The following EMB variants were observed in gnomAD, a reference collection of about 807,000 sequenced individuals.
EMB encodes embigin.
A neutral mutation model predicts 41.4 loss-of-function variants in EMB; 31 were observed. The ratio of observed to expected loss-of-function variants is 0.75; its 90% CI spans 0.56 to 1.01. The LOEUF is 1.01. Ranked by LOEUF, EMB falls within the 50% of genes least tolerant of loss-of-function variation. The pLI is 0.00. For synonymous variants in EMB, 137 were observed against 140.4 expected (o/e 0.98, Z 0.17); for missense variants, 379 against 388.3 (o/e 0.98, Z 0.20).
At chr5:50,414,528 CAAAAAAAAAAA>C (rs34645448) in intron 2 of EMB, among the ~76,000 whole-genome samples, 25 of 46,708 alleles carry the variant, frequency 5.4e-4, no homozygotes, top group Admixed American at 2.8e-3. Flanking sequence ...CTGTCTCAGG[CAAAAAAAAAAA>C]AAAAAAAAAA....
chr5:50,403,385 T>C lies in EMB; in HGVS notation c.670A>G (p.Ile224Val), dbSNP rs1745198356. ...CCATCTTCCTCCAAAAGTTGTGTTA[T>C]CTTCAGCTTTGTTTCGTTAGCATAT... is the stretch of plus-strand genomic sequence containing the variant. Reference protein sequence around the residue: ...GTYANETKLKITQLLEEDGES... With the variant: ...GTYANETKLKVTQLLEEDGES... The change falls in exon 6 of 9, where the codon ATA becomes GTA. Residue 224 changes from isoleucine (I) to valine (V), a missense_variant. Ile to Val is a conservative substitution (Grantham distance 29). Transcript: ENST00000303221. 1 of 1,612,704 alleles carries C rather than the reference T, an allele frequency of 6.2e-7. No individual in the cohort carries two copies. Among genetic ancestry groups the C allele is most frequent in the Non-Finnish European group, 8.5e-7 (1 of 1,179,144 alleles).
intron 2 of EMB, among the ~76,000 whole-genome samples, chr5:50,414,556 A>AAAT (rs58142897): frequency 7.1e-6 from 1 of 140,556 alleles, no homozygotes; most frequent in Non-Finnish European, 1.5e-5. Context: ...AAAAAAAAAA[A>AAAT]TTCTATCACT....
In EMB at chr5:50,403,333, A is replaced by G. The variant is rs781125755; in HGVS notation, c.722T>C (p.Phe241Ser). ...DGESYWCRAL[F>S]QLGESEEHIE... ...GTGTTCTTCACTCTCGCCTAATTGG[A>G]ATAGTGCACGGCACCAGTAAGATTC... is the stretch of plus-strand genomic sequence containing the variant. Residue 241 changes from phenylalanine (F) to serine (S), a missense_variant, in exon 6 of 9, where the codon TTC becomes TCC. By Grantham distance (155) the Phe-to-Ser change is radical. Transcript: ENST00000303221. 1.2e-6 allele frequency: 2 copies of G among 1,612,808 alleles called. No homozygotes were observed. Among genetic ancestry groups the G allele is most frequent in the South Asian group, 2.2e-5 (2 of 91,050 alleles).
chr5:50,441,624 C>G (rs2111887350), upstream of EMB, among the ~76,000 whole-genome samples: 1 of 152,300 alleles, frequency 6.6e-6, no homozygotes, highest in South Asian at 2.1e-4. Flanking sequence ...CCCCGGACAT[C>G]TTTGGGCTTT....
intron 5 of EMB, among the ~76,000 whole-genome samples, chr5:50,404,312 T>C (rs1745214651): frequency 6.6e-6 from 1 of 151,976 alleles, no homozygotes; most frequent in African/African-American, 2.4e-5. Flanking sequence ...CCTGGCACCA[T>C]GTGCACAACA....
chr5:50,440,865 G>C (rs1214947428), intron 1 of EMB, among the ~76,000 whole-genome samples, 175 bp downstream of exon 1: 1 of 152,064 alleles, frequency 6.6e-6, no homozygotes, highest in Non-Finnish European at 1.5e-5. Flanking sequence ...CAGCTTAGGT[G>C]ACACAAACGT....
intron 5 of EMB, among the ~76,000 whole-genome samples, chr5:50,404,814 A>G (rs1745222622): frequency 6.6e-6 from 1 of 151,934 alleles, no homozygotes; most frequent in Non-Finnish European, 1.5e-5. Context: ...GGTTGGAACT[A>G]TTTCATTGAA....
rs148466474 is a variant in EMB, at chr5:50,399,934, A to G, written c.912-21T>C. On this transcript the variant is annotated intron_variant, in intron 7 of 8. Coordinates refer to ENST00000303221, the MANE Select transcript of EMB (RefSeq NM_198449.3). ...ATTTCCTGCACAGAAAACAAAAAAG[A>G]AAATTACTAAATGCTTATATTATAT... 1,424 of 1,560,760 alleles carry G rather than the reference A, an allele frequency of 9.1e-4. 11 individuals carry two copies. The African/African-American group carries it at 0.018, about 19-fold the overall frequency.
At chr5:50,419,393 A>G (rs1227974415) in intron 2 of EMB, among the ~76,000 whole-genome samples, 10 of 152,226 alleles carry the variant, frequency 6.6e-5, no homozygotes, top group Non-Finnish European at 5.9e-5. Context: ...ACAGCAAATG[A>G]CAATGTCATA....
At chr5:50,402,453 G>T in intron 6 of EMB, 134 bp from the exon 7 acceptor site, 2 of 796,896 alleles carry the variant, frequency 2.5e-6, no homozygotes, top group South Asian at 1.5e-5. Flanking sequence ...GGAGAGACAT[G>T]CTACCTTAAA....
At chr5:50,418,857 T>C (rs1369485869) in intron 2 of EMB, among the ~76,000 whole-genome samples, 8 of 152,356 alleles carry the variant, frequency 5.3e-5, no homozygotes, top group South Asian at 2.1e-4. Context: ...TAACTGGCTA[T>C]AGACTGTTTC....
chr5:50,402,714 T>C (rs1745183569), intron 6 of EMB, among the ~76,000 whole-genome samples: 1 of 151,852 alleles, frequency 6.6e-6, no homozygotes, highest in South Asian at 2.1e-4. Flanking sequence ...CTCTCTTTAA[T>C]GAGAACTCTG....
At chr5:50,441,964 T>A (rs561631214), upstream of EMB, among the ~76,000 whole-genome samples, 1 of 152,312 alleles carries the variant, frequency 6.6e-6, no homozygotes, top group African/African-American at 2.4e-5. Flanking sequence ...ATAATGCTCT[T>A]ACCCACAAGG....
At chr5:50,435,494 C>T (rs1161353685) in intron 1 of EMB, among the ~76,000 whole-genome samples, 1 of 152,148 alleles carries the variant, frequency 6.6e-6, no homozygotes, top group East Asian at 1.9e-4. Flanking sequence ...TTTCCATAAC[C>T]TTGACACTTT....
Position 50,397,630 on chromosome 5 carries a change from T to C in EMB, c.*1643A>G, listed in dbSNP as rs1269248190. The C allele has an allele frequency of 6.6e-6, 1 of 152,128 alleles. No individual in the cohort carries two copies. Among genetic ancestry groups the C allele is most frequent in the South Asian group, 2.1e-4 (1 of 4,836 alleles). 9.4% of individuals were successfully genotyped at this position (152,128 alleles called of 1,614,324 possible). On this transcript the variant is annotated 3_prime_UTR_variant, in exon 9 of 9. Coordinates refer to ENST00000303221, the MANE Select transcript of EMB (RefSeq NM_198449.3). ...TTTCCCTGAATTCAAATAGCTTAGATTAATTAAGCTAACTGATTGGTTATC... is the reference window on the plus strand; with the variant it reads ...TTTCCCTGAATTCAAATAGCTTAGACTAATTAAGCTAACTGATTGGTTATC...
At chr5:50,437,341 C>T (rs1327062225) in intron 1 of EMB, among the ~76,000 whole-genome samples, 2 of 152,074 alleles carry the variant, frequency 1.3e-5, no homozygotes, top group African/African-American at 4.8e-5. Flanking sequence ...TCCATTTAAA[C>T]AGATTTTGGT....
At chr5:50,412,882 G>A (rs1348187304) in intron 2 of EMB, among the ~76,000 whole-genome samples, 1 of 139,432 alleles carries the variant, frequency 7.2e-6, no homozygotes, top group Non-Finnish European at 1.5e-5. Flanking sequence ...GTAAGTACAA[G>A]CTTTTTTTTT....
At chr5:50,412,133 T>C (rs1745348686) in intron 2 of EMB, 1 of 151,828 alleles carries the variant, frequency 6.6e-6, no homozygotes, top group African/African-American at 2.4e-5. Flanking sequence ...GTCTGAAAGG[T>C]TCTCAATTAC....
Position 50,411,333 on chromosome 5 carries a change from T to G in EMB, c.247A>C (p.Asn83His). ...EKNITLERPS[N>H]VNLTCQFTTS... is the part of the protein sequence containing the mutation. ...GTGAACTGGCATGTGAGATTTACAT[T>G]AGAAGGCCTTTCTAAAGTGATATTT... is the stretch of plus-strand genomic sequence containing the variant. Residue 83 changes from asparagine to histidine, a missense_variant, in exon 3 of 9, where the codon AAT becomes CAT. Coordinates refer to ENST00000303221, the MANE Select transcript of EMB (RefSeq NM_198449.3). 3 of 1,612,630 alleles carry G rather than the reference T, an allele frequency of 1.9e-6. No homozygotes were observed. The highest frequency in any genetic ancestry group is 2.5e-6 in the Non-Finnish European group (3 of 1,179,186).
Sources: allele counts gnomAD v4.1 joint callset (sites outside exome capture counted in the v4.1 genomes callset), GRCh38; gene constraint gnomAD v4.1.1; transcripts MANE v1.5; gene names NCBI Gene and HGNC (gene_info 2026-07-23, HGNC 2026-07-21).